Variants in HECW2 observed in about 807,000 individuals in gnomAD.
HECW2 encodes HECT, C2 and WW domain containing E3 ubiquitin protein ligase 2.
A neutral mutation model predicts 175.2 loss-of-function variants in HECW2; 61 were observed. The observed-to-expected ratio is 0.35, with a 90% CI of 0.28 to 0.43. The LOEUF (loss-of-function observed/expected upper bound fraction) is 0.43, where lower values mean the gene tolerates loss of function less well. HECW2 is among the 20% of genes least tolerant of loss of function. The probability of loss-of-function intolerance (pLI) is 1.00; values close to 1 mark genes in which losing one functional copy is unlikely to be tolerated. For missense variants in HECW2, 1,524 were observed against 2,000.5 expected (o/e 0.76, Z 4.54); for synonymous variants, 671 against 731.0 (o/e 0.92, Z 1.32).
Position 196,322,526 on chromosome 2 carries a change from C to T in HECW2, c.836G>A (p.Gly279Glu). Residue 279 changes from glycine (G) to glutamate (E), a missense_variant, in exon 7 of 29, where the codon GGG becomes GAG. This residue lies in a region of HECW2 where 95 missense variants were observed against 136.8 expected (regional missense o/e 0.69). Coordinates refer to ENST00000644978, the MANE Select transcript of HECW2 (RefSeq NM_001348768.2). The part of the protein sequence containing the change: ...KSRPIIKRFL[G>E]KLTIPVQRLL... Reference sequence around the variant, plus strand: ...CCTCTGGACTGGAATGGTTAGTTTCCCCAGAAAACGCTTGATGATGGGACG... The same window carrying T: ...CCTCTGGACTGGAATGGTTAGTTTCTCCAGAAAACGCTTGATGATGGGACG... 6.2e-7 allele frequency: 1 copy of T among 1,613,994 alleles called. No homozygotes were observed. The highest frequency in any genetic ancestry group is 8.5e-7 in the Non-Finnish European group (1 of 1,179,938).
At chr2:196,329,678 T>C in intron 4 of HECW2, 28 bp from the exon 5 acceptor site, 3 of 1,581,958 alleles carry the variant, frequency 1.9e-6, no homozygotes, top group Non-Finnish European at 2.6e-6. Context: ...GCATCTGAAG[T>C]TTCAGAAGCA....
intron 14 of HECW2, among the ~76,000 whole-genome samples, chr2:196,286,080 A>G (rs1690376377): frequency 6.6e-6 from 1 of 152,152 alleles, no homozygotes; most frequent in East Asian, 1.9e-4. Context: ...TATGTTGGAG[A>G]TGGCTTGTAC....
intron 2 of HECW2, among the ~76,000 whole-genome samples, chr2:196,380,554 A>G (rs1023603773): frequency 6.6e-6 from 1 of 152,272 alleles, no homozygotes; most frequent in Non-Finnish European, 1.5e-5. Context: ...TTGTTTTTGA[A>G]AAGTGTTCTG....
At chr2:196,458,282 A>T (rs1043059681) in intron 1 of HECW2, among the ~76,000 whole-genome samples, 3 of 152,078 alleles carry the variant, frequency 2.0e-5, no homozygotes, top group Admixed American at 6.5e-5. Context: ...AAGAATTATT[A>T]AAAAAGTAAA....
At chr2:196,355,541 C>T (rs1559063184) in intron 2 of HECW2, among the ~76,000 whole-genome samples, 1 of 152,184 alleles carries the variant, frequency 6.6e-6, no homozygotes, top group Non-Finnish European at 1.5e-5. Flanking sequence ...AGAGTAAATG[C>T]TCTTTTTCCA....
intron 1 of HECW2, among the ~76,000 whole-genome samples, chr2:196,515,419 G>A (rs1027817649): frequency 6.6e-6 from 1 of 152,202 alleles, no homozygotes; most frequent in South Asian, 2.1e-4. Context: ...TTTCCAGCTG[G>A]CAAAGCAACA....
chr2:196,323,534 C>T (rs181568245), intron 6 of HECW2, among the ~76,000 whole-genome samples: 7 of 152,256 alleles, frequency 4.6e-5, no homozygotes, highest in Admixed American at 4.6e-4. Context: ...CTAGTCATAA[C>T]AATTAAGGTT....
At chr2:196,263,947 C>G (rs1020704448) in intron 17 of HECW2, 2 of 152,056 alleles carry the variant, frequency 1.3e-5, no homozygotes, top group Middle Eastern at 3.2e-3. Flanking sequence ...TTATTTATTC[C>G]TTTTTCAACA....
chr2:196,317,567 T>C (rs1691745549), intron 9 of HECW2, among the ~76,000 whole-genome samples, 198 bp from the exon 10 acceptor site: 2 of 152,126 alleles, frequency 1.3e-5, no homozygotes, highest in Admixed American at 6.5e-5. Flanking sequence ...AGAAATGTCC[T>C]CTGCATGTAT....
chr2:196,218,570 T>C (rs1435822686), intron 26 of HECW2, among the ~76,000 whole-genome samples: 2 of 152,104 alleles, frequency 1.3e-5, no homozygotes, highest in Non-Finnish European at 2.9e-5. Context: ...TCCCAGCACT[T>C]TGGGAGGCCA....
intron 2 of HECW2, among the ~76,000 whole-genome samples, chr2:196,361,230 TG>T (rs1187505327): frequency 3.9e-5 from 6 of 152,178 alleles, no homozygotes; most frequent in African/African-American, 1.2e-4. Flanking sequence ...TTGCCACAGT[TG>T]CCACAAGATA....
intron 7 of HECW2, among the ~76,000 whole-genome samples, chr2:196,321,787 T>A (rs1037535929): frequency 6.6e-6 from 1 of 152,200 alleles, no homozygotes; most frequent in Non-Finnish European, 1.5e-5. Flanking sequence ...AGAAGGAAGA[T>A]ACAATGTTTC....
intron 13 of HECW2, among the ~76,000 whole-genome samples, chr2:196,301,918 T>C (rs1197651938): frequency 2.6e-5 from 4 of 152,206 alleles, no homozygotes; most frequent in East Asian, 1.9e-4. Context: ...TTTGCTTTTG[T>C]TGCAATTGCT....
intron 1 of HECW2, among the ~76,000 whole-genome samples, chr2:196,576,230 G>C (rs1690558373): frequency 6.6e-6 from 1 of 152,096 alleles, no homozygotes; most frequent in African/African-American, 2.4e-5. Context: ...TAGCCTAAGT[G>C]TGTAGTAGGC....
At chr2:196,236,595 C>T (rs575830755) in intron 21 of HECW2, among the ~76,000 whole-genome samples, 5 of 152,332 alleles carry the variant, frequency 3.3e-5, no homozygotes, top group African/African-American at 1.2e-4. Context: ...ATTTAATTGT[C>T]ATGTCTCCCT....
intron 2 of HECW2, among the ~76,000 whole-genome samples, chr2:196,426,516 T>C (rs1414989093): frequency 6.6e-6 from 1 of 152,192 alleles, no homozygotes; most frequent in African/African-American, 2.4e-5. Flanking sequence ...ATTTTTTTTT[T>C]TAATATACCT....
At chr2:196,370,528 C>T (rs942839228) in intron 2 of HECW2, among the ~76,000 whole-genome samples, 1 of 152,182 alleles carries the variant, frequency 6.6e-6, no homozygotes, top group Non-Finnish European at 1.5e-5. Flanking sequence ...GCTACCCCAG[C>T]TGGTGTCTCA....
At chr2:196,483,945 G>A (rs1025884617) in intron 1 of HECW2, among the ~76,000 whole-genome samples, 23 of 152,078 alleles carry the variant, frequency 1.5e-4, no homozygotes, top group Admixed American at 5.9e-4. Context: ...TTAAGGAACC[G>A]TTCATTTTTA....
intron 14 of HECW2, chr2:196,291,614 G>T (rs1244657213): frequency 1.3e-5 from 2 of 152,150 alleles, no homozygotes; most frequent in African/African-American, 4.8e-5. Flanking sequence ...AGAAACTGAG[G>T]TTGGTTACTC....
Sources: gnomAD v4.1 joint callset for allele counts (sites outside exome capture counted in the v4.1 genomes callset) on GRCh38, gnomAD v4.1.1 for gene constraint, gnomAD v4.1.1 regional missense constraint, MANE v1.5 for transcripts, NCBI Gene and HGNC (gene_info 2026-07-23, HGNC 2026-07-21) for gene names.